The following KATNAL2 variants were observed in gnomAD, a reference collection of about 807,000 sequenced individuals.
The protein encoded by KATNAL2 is katanin catalytic subunit A1 like 2, also known as katanin p60 ATPase-containing subunit A-like 2.
Under a neutral mutation model 76.3 loss-of-function variants are expected in KATNAL2, and 52 were observed. That is an observed-to-expected ratio of 0.68 (90% CI 0.55 to 0.86). The LOEUF is 0.86. Ranked by LOEUF, KATNAL2 falls within the 40% of genes least tolerant of loss-of-function variation. The pLI is 0.00. For synonymous variants in KATNAL2, 243 were observed against 244.2 expected (o/e 1.00, Z 0.05); for missense variants, 660 against 668.9 (o/e 0.99, Z 0.15).
intron 1 of KATNAL2, among the ~76,000 whole-genome samples, chr18:46,929,167 G>A (rs1043373124): frequency 7.9e-5 from 12 of 151,760 alleles, no homozygotes; most frequent in East Asian, 1.9e-4. Flanking sequence ...ATCATACAGC[G>A]TATACTCTTC....
chr18:47,097,760 A>G (rs1015697962), intron 15 of KATNAL2, among the ~76,000 whole-genome samples: 2 of 152,224 alleles, frequency 1.3e-5, no homozygotes, highest in African/African-American at 2.4e-5. Flanking sequence ...GCTCAGGGGT[A>G]CATGTGCAGG....
chr18:47,048,032 G>T (rs1045232618), intron 4 of KATNAL2, among the ~76,000 whole-genome samples: 1 of 152,134 alleles, frequency 6.6e-6, no homozygotes, highest in African/African-American at 2.4e-5. Context: ...GGATGATTTT[G>T]TTCCTTGGGA....
chr18:47,069,315 T>C, intron 12 of KATNAL2, 32 bp downstream of exon 12: 5 of 1,574,350 alleles, frequency 3.2e-6, no homozygotes, highest in Non-Finnish European at 4.4e-6. Context: ...GATGTCAGTG[T>C]TAAGTGTGTG....
At chr18:47,069,396 CT>C (rs2061919872) in intron 12 of KATNAL2, 85 bp from the exon 13 acceptor site, 3 of 1,376,864 alleles carry the variant, frequency 2.2e-6, no homozygotes, top group Non-Finnish European at 3.1e-6. Flanking sequence ...CAGTCACTTC[CT>C]TCCTTGTGTG....
chr18:47,058,410 T>A, intron 7 of KATNAL2, 58 bp downstream of exon 7: 1 of 942,506 alleles, frequency 1.1e-6, no homozygotes, highest in South Asian at 1.4e-5. Context: ...AATAGCCCTA[T>A]GAAAAAGGTC....
chr18:46,918,083 G>GA (rs1568955086), intron 1 of KATNAL2, 157 bp downstream of exon 1: 1 of 152,006 alleles, frequency 6.6e-6, no homozygotes, highest in African/African-American at 2.4e-5. Flanking sequence ...GGGGTTGGGG[G>GA]CGGGGAGAAG....
intron 15 of KATNAL2, among the ~76,000 whole-genome samples, chr18:47,096,985 G>A (rs138629781): frequency 2.7e-3 from 408 of 151,708 alleles, no homozygotes; most frequent in African/African-American, 9.5e-3. Context: ...AATATTAGCC[G>A]GGCTCGCACC....
At chr18:47,048,805 C>A (rs1379131479) in intron 4 of KATNAL2, among the ~76,000 whole-genome samples, 2 of 145,248 alleles carry the variant, frequency 1.4e-5, no homozygotes, top group East Asian at 2.0e-4. Context: ...CCAGGATATG[C>A]GTATAAACTT....
rs974759138 is a variant in KATNAL2, at chr18:47,050,216, C to T, written c.123-2664C>T. Among the ~76,000 whole-genome samples, 9 of 151,904 alleles carry T rather than the reference C, an allele frequency of 5.9e-5. No homozygotes were observed. In the South Asian group the frequency reaches 1.0e-3, roughly 18 times the overall value. On this transcript the variant is annotated intron_variant, in intron 4 of 17. Transcript: ENST00000683218. ...TTTTTTCTCAGACCATCTTTAGAGACGAGTTTTCCACAGATAACTTTGAGA... is the reference window on the plus strand; with the variant it reads ...TTTTTTCTCAGACCATCTTTAGAGATGAGTTTTCCACAGATAACTTTGAGA...
intron 15 of KATNAL2, among the ~76,000 whole-genome samples, chr18:47,093,933 CTCTAT>C (rs1414274528): frequency 6.6e-6 from 1 of 152,226 alleles, no homozygotes; most frequent in East Asian, 1.9e-4. Flanking sequence ...TGTTGTTTTT[CTCTAT>C]TCTTTTTAAA....
chr18:46,951,818 C>T (rs1448160142), intron 3 of KATNAL2, among the ~76,000 whole-genome samples: 1 of 152,148 alleles, frequency 6.6e-6, no homozygotes, highest in African/African-American at 2.4e-5. Context: ...GGGTCTTGCT[C>T]TGTCAGCAGT....
Position 47,077,473 on chromosome 18 carries a change from A to G in KATNAL2, c.1211+12A>G. The stretch of plus-strand genomic sequence containing the variant: ...TCTAACCTGCCGTGGTAAGAGACCA[A>G]GAGAGTAAATTTTGAATACATTTTC... On this transcript the variant is annotated intron_variant, in intron 15 of 17. Transcript: ENST00000683218. The G allele has an allele frequency of 6.3e-7, 1 of 1,591,048 alleles. No individual in the cohort carries two copies. Among genetic ancestry groups the G allele is most frequent in the African/African-American group, 1.3e-5 (1 of 74,574 alleles).
intron 4 of KATNAL2, among the ~76,000 whole-genome samples, chr18:47,048,090 T>C (rs1014548716): frequency 3.3e-5 from 5 of 152,178 alleles, no homozygotes; most frequent in Non-Finnish European, 7.3e-5. Flanking sequence ...CACTGGCATC[T>C]AGTGGGTATA....
Position 47,075,372 on chromosome 18 carries a change from AC to A in KATNAL2, c.1100+5del. ...GTCAGAGAGGCACAGCTTCTGGGTA[AC>A]AGACAGGGTTGGGGTTTTTGTTGTT... On this transcript the variant is annotated splice_donor_5th_base_variant and intron_variant, in intron 14 of 17. Coordinates refer to ENST00000683218, the MANE Select transcript of KATNAL2 (RefSeq NM_001387690.1). 1 of 1,518,808 alleles carries A rather than the reference AC, an allele frequency of 6.6e-7. No individual in the cohort carries two copies. Among genetic ancestry groups the A allele is most frequent in the Non-Finnish European group, 8.8e-7 (1 of 1,139,720 alleles). 94.1% of individuals were successfully genotyped at this position (1,518,808 alleles called of 1,614,324 possible). A position where few individuals can be genotyped will look rare whatever the true frequency, so the allele number is the denominator to read the frequency against.
intron 1 of KATNAL2, among the ~76,000 whole-genome samples, chr18:46,918,794 C>G (rs2058305752): frequency 1.3e-5 from 2 of 152,058 alleles, no homozygotes; most frequent in South Asian, 2.1e-4. Context: ...TTCTTTGTTC[C>G]TAACTCCTGT....
intron 3 of KATNAL2, among the ~76,000 whole-genome samples, chr18:46,962,308 A>G (rs879673777): frequency 0.067 from 8,355 of 124,352 alleles, 922 homozygotes; most frequent in African/African-American, 0.21. Context: ...CCTTTTCCCT[A>G]AAAGAAAACA....
chr18:46,939,000 C>A (rs1378876645), intron 1 of KATNAL2, among the ~76,000 whole-genome samples: 1 of 152,024 alleles, frequency 6.6e-6, no homozygotes, highest in Non-Finnish European at 1.5e-5. Context: ...CTATTCTATC[C>A]CCATTGATTG....
chr18:47,069,403 G>T, intron 12 of KATNAL2, 79 bp from the exon 13 acceptor site: 2 of 1,379,126 alleles, frequency 1.5e-6, no homozygotes, highest in Non-Finnish European at 1.0e-6. Flanking sequence ...TTCCTTCCTT[G>T]TGTGTGAGAC....
Position 47,069,560 on chromosome 18 carries a change from T to G in KATNAL2, c.968T>G (p.Ile323Ser), listed in dbSNP as rs776952743. The change falls in exon 13 of 18, where the codon ATT becomes AGT. Residue 323 changes from isoleucine to serine, a missense_variant. Ile to Ser is a moderately radical substitution (Grantham distance 142). Coordinates refer to ENST00000683218, the MANE Select transcript of KATNAL2 (RefSeq NM_001387690.1). The part of the protein sequence containing the change: ...TTFFNISAST[I>S]VSKWRGDSEK... Reference sequence around the variant, plus strand: ...TTCTTTAACATTTCTGCATCCACCATTGTCAGCAAATGGAGAGGGGATTCA... The same window carrying G: ...TTCTTTAACATTTCTGCATCCACCAGTGTCAGCAAATGGAGAGGGGATTCA... 2 of 1,613,992 alleles carry G rather than the reference T, an allele frequency of 1.2e-6. No homozygotes were observed. The highest frequency in any genetic ancestry group is 8.5e-7 in the Non-Finnish European group (1 of 1,179,932).
Sources: allele counts gnomAD v4.1 joint callset (sites outside exome capture counted in the v4.1 genomes callset), GRCh38; gene constraint gnomAD v4.1.1; transcripts MANE v1.5; gene names NCBI Gene and HGNC (gene_info 2026-07-23, HGNC 2026-07-21).